Variants in NRG3 observed in about 807,000 individuals in gnomAD.
NRG3 encodes the protein pro-neuregulin-3, membrane-bound isoform.
NRG3 carries 31 observed loss-of-function variants against 66.9 expected under a neutral mutation model. That is an observed-to-expected ratio of 0.46 (90% CI 0.35 to 0.63). NRG3 has a LOEUF of 0.63. Ranked by LOEUF, NRG3 falls within the 20% of genes least tolerant of loss-of-function variation. The pLI is 0.00. For missense variants in NRG3, 910 were observed against 878.9 expected (o/e 1.04, Z -0.45); for synonymous variants, 393 against 359.4 (o/e 1.09, Z -1.06).
At chr10:82,608,383 C>T (rs1232877080) in intron 2 of NRG3, among the ~76,000 whole-genome samples, 2 of 152,048 alleles carry the variant, frequency 1.3e-5, no homozygotes, top group African/African-American at 2.4e-5. Context: ...GATATGCTCC[C>T]GTGTAGACGT....
intron 2 of NRG3, among the ~76,000 whole-genome samples, chr10:82,547,230 A>G (rs1383293676): frequency 6.6e-6 from 1 of 152,032 alleles, no homozygotes; most frequent in Non-Finnish European, 1.5e-5. Flanking sequence ...TTAAAATAAA[A>G]TAATGCTACA....
At chr10:82,630,539 G>A (rs1024302696) in intron 2 of NRG3, among the ~76,000 whole-genome samples, 2 of 151,888 alleles carry the variant, frequency 1.3e-5, no homozygotes, top group African/African-American at 2.4e-5. Context: ...TGGCCCGGAC[G>A]TGGTGGTGGG....
At chr10:81,998,719 C>T (rs2061044599) in intron 1 of NRG3, among the ~76,000 whole-genome samples, 1 of 152,210 alleles carries the variant, frequency 6.6e-6, no homozygotes, top group Non-Finnish European at 1.5e-5. Flanking sequence ...CTCTCCTTTT[C>T]TCACAACTAA....
chr10:82,930,592 T>C lies in NRG3; in HGVS notation c.1055-20877T>C, dbSNP rs7072105. Among the ~76,000 whole-genome samples, 1,427 of 152,304 alleles carry C rather than the reference T, an allele frequency of 9.4e-3. 17 individuals carry two copies. The highest frequency in any genetic ancestry group is 0.032 in the African/African-American group (1,318 of 41,556). On this transcript the variant is annotated intron_variant, in intron 4 of 8. Transcript: ENST00000372141. ...ACACATGGTCTTAATTTCTTAGATG[T>C]CTCTATTGTGTGTGCCAGTTTAGAG...
At chr10:82,263,133 G>T (rs1467218657) in intron 1 of NRG3, among the ~76,000 whole-genome samples, 1 of 152,154 alleles carries the variant, frequency 6.6e-6, no homozygotes, top group Non-Finnish European at 1.5e-5. Flanking sequence ...GATGAGTCTG[G>T]GGACTTAATA....
chr10:82,749,816 G>A (rs1591402327), intron 3 of NRG3, among the ~76,000 whole-genome samples: 2 of 151,408 alleles, frequency 1.3e-5, no homozygotes, highest in South Asian at 4.2e-4. Flanking sequence ...ATGGAAAATG[G>A]GGCCAAGACT....
rs145443212 is a variant in NRG3 at position 82,370,949 on chromosome 10, A to AACACAC, written c.953+12103_953+12108dup. On this transcript the variant is annotated intron_variant, in intron 2 of 8. Coordinates refer to ENST00000372141, the MANE Select transcript of NRG3 (RefSeq NM_001010848.4). Reference sequence around the variant, plus strand: ...AAGGCAGCTTAAAATCCACCTTACAAACACACACACACACACACACACACA... The same window carrying AACACAC: ...AAGGCAGCTTAAAATCCACCTTACAAACACACACACACACACACACACACACACACA... Among the ~76,000 whole-genome samples the AACACAC allele has an allele frequency of 3.0e-3, 444 of 147,236 alleles. 1 individual carries two copies. The highest frequency in any genetic ancestry group is 8.8e-3 in the African/African-American group (358 of 40,666).
chr10:82,448,561 G>A lies in NRG3; in HGVS notation c.953+89693G>A, dbSNP rs113873937. On this transcript the variant is annotated intron_variant, in intron 2 of 8. Coordinates refer to ENST00000372141, the MANE Select transcript of NRG3 (RefSeq NM_001010848.4). The stretch of plus-strand genomic sequence containing the variant: ...TTAATTTTTAATGAACATAAACATA[G>A]GGATATCAAATTTGTGTTCAAAACA... 5.6e-3 allele frequency among the ~76,000 whole-genome samples: 852 copies of A among 152,124 alleles called. 7 individuals carry two copies. Among genetic ancestry groups the A allele is most frequent in the African/African-American group, 0.016 (667 of 41,496 alleles).
At chr10:82,378,626 G>A (rs563216159) in intron 2 of NRG3, among the ~76,000 whole-genome samples, 21 of 151,438 alleles carry the variant, frequency 1.4e-4, no homozygotes, top group African/African-American at 3.2e-4. Flanking sequence ...GCTGGAGTGC[G>A]GTGGTGCGAT....
intron 1 of NRG3, among the ~76,000 whole-genome samples, chr10:82,126,357 A>T (rs2068448161): frequency 6.6e-6 from 1 of 152,086 alleles, no homozygotes; most frequent in Non-Finnish European, 1.5e-5. Flanking sequence ...ACAAACTTGC[A>T]GTAATTATAG....
intron 2 of NRG3, among the ~76,000 whole-genome samples, chr10:82,650,256 T>A (rs1328986099): frequency 1.3e-5 from 2 of 152,226 alleles, no homozygotes; most frequent in East Asian, 3.8e-4. Context: ...TATTTTGTAA[T>A]TGTTACAGCA....
intron 2 of NRG3, among the ~76,000 whole-genome samples, chr10:82,563,561 T>C (rs2045196797): frequency 6.6e-6 from 1 of 151,990 alleles, no homozygotes; most frequent in African/African-American, 2.4e-5. Flanking sequence ...AGGTGAATAT[T>C]TATATTTTTA....
intron 2 of NRG3, among the ~76,000 whole-genome samples, chr10:82,712,282 C>A (rs2056719507): frequency 6.6e-6 from 1 of 152,092 alleles, no homozygotes; most frequent in African/African-American, 2.4e-5. Context: ...TAAAAAATAA[C>A]AAACCATATC....
chr10:82,528,191 A>G (rs1846908265), intron 2 of NRG3, among the ~76,000 whole-genome samples: 1 of 152,196 alleles, frequency 6.6e-6, no homozygotes, highest in African/African-American at 2.4e-5. Context: ...ATCAGTAGGT[A>G]TACATTCAGG....
chr10:82,678,902 G>A (rs977791696), intron 2 of NRG3, among the ~76,000 whole-genome samples: 1 of 152,066 alleles, frequency 6.6e-6, no homozygotes, highest in African/African-American at 2.4e-5. Context: ...TGAGCACCGT[G>A]TATACATATG....
At chr10:82,451,132 A>T (rs925789109) in intron 2 of NRG3, among the ~76,000 whole-genome samples, 10 of 152,160 alleles carry the variant, frequency 6.6e-5, no homozygotes, top group African/African-American at 2.4e-4. Context: ...AAACAATTCA[A>T]CTTATACACA....
chr10:82,327,016 G>GC, intron 1 of NRG3, among the ~76,000 whole-genome samples: 1 of 152,290 alleles, frequency 6.6e-6, no homozygotes, highest in Non-Finnish European at 1.5e-5. Flanking sequence ...AGGAAGTGAT[G>GC]CTTGGAGTCA....
chr10:82,971,443 T>A (rs1423939226), intron 6 of NRG3, among the ~76,000 whole-genome samples: 1 of 151,564 alleles, frequency 6.6e-6, no homozygotes, highest in Non-Finnish European at 1.5e-5. Flanking sequence ...GTTCTTTTTT[T>A]TTTTTTTTTT....
intron 1 of NRG3, among the ~76,000 whole-genome samples, chr10:82,083,618 A>G (rs765714773): frequency 2.1e-5 from 3 of 139,752 alleles, no homozygotes; most frequent in Non-Finnish European, 4.6e-5. Flanking sequence ...TTTTTTTGAG[A>G]CAGAGTTTCG....
Sources: gnomAD v4.1 joint callset for allele counts (sites outside exome capture counted in the v4.1 genomes callset) on GRCh38, gnomAD v4.1.1 for gene constraint, MANE v1.5 for transcripts, NCBI Gene and HGNC (gene_info 2026-07-23, HGNC 2026-07-21) for gene names.